Variants in APBB1 observed in about 807,000 individuals in gnomAD.
APBB1 encodes the protein amyloid beta precursor protein binding family B member 1.
Under a neutral mutation model 78.4 loss-of-function variants are expected in APBB1, and 22 were observed. The ratio of observed to expected loss-of-function variants is 0.28; its 90% CI spans 0.20 to 0.40. APBB1 has a LOEUF of 0.40. Among genes scored for constraint, APBB1 ranks in the 10% least tolerant of loss-of-function variants. The probability of loss-of-function intolerance (pLI) is 1.00; values close to 1 mark genes in which losing one functional copy is unlikely to be tolerated. For synonymous variants in APBB1, 369 were observed against 372.7 expected, an observed-to-expected ratio of 0.99 and a Z score of 0.12; for missense variants, 749 against 932.4, an observed-to-expected ratio of 0.80 and a Z score of 2.56.
Position 6,401,661 on chromosome 11 carries a change from C to G in APBB1, c.1416G>C (p.Lys472Asn). 1 of 1,614,178 alleles carries G rather than the reference C, an allele frequency of 6.2e-7. No individual in the cohort carries two copies. Among genetic ancestry groups the G allele is most frequent in the Non-Finnish European group, 8.5e-7 (1 of 1,180,030 alleles). ...CGTGGCACTTGAGCATCTGGGTCAG[C>G]TTATCACGAGCTACGTAGGCAAAGT... ...ERDFAYVARD[K>N]LTQMLKCHVF... is the part of the protein sequence containing the mutation. Residue 472 changes from lysine (K) to asparagine (N), a missense_variant, in exon 10 of 15, where the codon AAG becomes AAC. Lys to Asn is a moderately conservative substitution (Grantham distance 94). Coordinates refer to ENST00000609360, the MANE Select transcript of APBB1 (RefSeq NM_001164.5). This position sits in a 1 kb window ranked among gnomAD's most constrained non-coding sequence, Gnocchi z 4.5.
At chr11:6,418,891 C>G in intron 1 of APBB1, 94 bp downstream of exon 1, 1 of 364,648 alleles carries the variant, frequency 2.7e-6, no homozygotes, top group Non-Finnish European at 4.9e-6. Flanking sequence ...CCGGGGGACC[C>G]GGGCTGCCGC....
At chr11:6,404,603 A>G in intron 2 of APBB1, 2 of 1,536,190 alleles carry the variant, frequency 1.3e-6, no homozygotes, top group Non-Finnish European at 1.7e-6. Context: ...ACATACACAC[A>G]TACCTCGCAT....
chr11:6,402,368 C>T (rs947069439), intron 7 of APBB1, 159 bp from the exon 8 acceptor site: 1 of 1,156,682 alleles, frequency 8.6e-7, no homozygotes. Flanking sequence ...GGTCACGTGT[C>T]ATCTCTCACA....
chr11:6,402,843 A>C lies in APBB1; in HGVS notation c.1105-118T>G, dbSNP rs963759043. ...TGAACTAAGACGGAGAAGCTCCCCA[A>C]ACAGGATGTGGTTAGGGAGAGGGGG... On this transcript the variant is annotated intron_variant, in intron 6 of 14. Coordinates refer to ENST00000609360, the MANE Select transcript of APBB1 (RefSeq NM_001164.5). 8 of 1,307,310 alleles carry C rather than the reference A, an allele frequency of 6.1e-6. No individual in the cohort carries two copies. The African/African-American group carries it at 1.2e-4, about 19-fold the overall frequency. The allele number at this position is 1,307,310 out of a possible 1,614,324, so 81.0% of individuals were successfully genotyped here.
At position 6,403,664 on chromosome 11, in the gene APBB1, G is replaced by A; in HGVS notation, c.880C>T (p.Pro294Ser). The A allele has an allele frequency of 6.2e-7, 1 of 1,609,014 alleles. No individual in the cohort carries two copies. The highest frequency in any genetic ancestry group is 8.5e-7 in the Non-Finnish European group (1 of 1,177,028). Residue 294 changes from proline to serine, a missense_variant, in exon 3 of 15, where the codon CCC becomes TCC. Transcript: ENST00000609360. This position sits in a 1 kb window ranked among gnomAD's most constrained non-coding sequence, Gnocchi z 5.3. ...AGCCTCACCTGGGACTCCTCTTGGG[G>A]GCTGCTCCCCTGTGAGGGGGAGGCC... ...GRASPSQGSS[P>S]QEESQLTWTG...
At chr11:6,414,352 T>C (rs928870847) in intron 1 of APBB1, among the ~76,000 whole-genome samples, 8 of 152,202 alleles carry the variant, frequency 5.3e-5, no homozygotes, top group Admixed American at 2.0e-4. Context: ...ATCAAGTGAC[T>C]GTTCTCTCCT....
intron 1 of APBB1, among the ~76,000 whole-genome samples, chr11:6,412,488 G>C (rs1467944006): frequency 3.3e-5 from 5 of 152,166 alleles, no homozygotes; most frequent in Non-Finnish European, 7.3e-5. Flanking sequence ...CACAGCCTCA[G>C]TGAAGCCTTC....
intron 2 of APBB1, among the ~76,000 whole-genome samples, chr11:6,408,724 G>A (rs1848885953): frequency 6.6e-6 from 1 of 152,024 alleles, no homozygotes. Flanking sequence ...GGCTGATCTC[G>A]AACTCCTGAC....
Position 6,401,834 on chromosome 11 carries a change from G to A in APBB1, c.1388+143C>T, listed in dbSNP as rs1182008107. 7.0e-7 allele frequency: 1 copy of A among 1,424,928 alleles called. No individual in the cohort carries two copies. The highest frequency in any genetic ancestry group is 1.2e-5 in the South Asian group (1 of 84,098). The allele number at this position is 1,424,928 out of a possible 1,614,324, so 88.3% of individuals were successfully genotyped here. ...CCCCCATAGGTGCTGCCTTCTTGGG[G>A]GGGAGGGGTAGACAGGCAAGCATGC... On this transcript the variant is annotated intron_variant, in intron 9 of 14. Coordinates refer to ENST00000609360, the MANE Select transcript of APBB1 (RefSeq NM_001164.5). This position sits in a 1 kb window ranked among gnomAD's most constrained non-coding sequence, Gnocchi z 4.5.
intron 1 of APBB1, among the ~76,000 whole-genome samples, chr11:6,416,746 T>C (rs989518877): frequency 5.0e-5 from 7 of 138,898 alleles, no homozygotes; most frequent in African/African-American, 1.3e-4. Context: ...CAAAATTCCC[T>C]TTTTTTTTTT....
intron 1 of APBB1, among the ~76,000 whole-genome samples, chr11:6,418,130 G>C (rs1282232604): frequency 2.6e-5 from 4 of 152,228 alleles, no homozygotes; most frequent in African/African-American, 9.7e-5. Flanking sequence ...CATCTAAAGA[G>C]AGGAGGAGAG....
At position 6,410,810 on chromosome 11, in the gene APBB1, G is replaced by A. The variant is rs752621628; in HGVS notation, c.538C>T (p.Pro180Ser). ...EEDLSSPPGL[P>S]EPLESVEAPP... is the part of the protein sequence containing the mutation. ...GCCTCCACACTCTCCAGGGGCTCAG[G>A]CAGCCCTGGGGGAGAAGATAAGTCC... The change falls in exon 2 of 15, where the codon CCT (proline) becomes TCT (serine). Residue 180 changes from proline to serine, a missense_variant. By Grantham distance (74) the Pro-to-Ser change is moderately conservative. Around this residue, in one of 3 missense-constraint regions of APBB1, gnomAD observed 635 missense variants for 765.0 expected, o/e 0.83. Transcript: ENST00000609360. 5 of 1,613,344 alleles carry A rather than the reference G, an allele frequency of 3.1e-6. No homozygotes were observed. The highest frequency in any genetic ancestry group is 1.3e-5 in the African/African-American group (1 of 74,930).
intron 12 of APBB1, among the ~76,000 whole-genome samples, chr11:6,398,357 A>G (rs1489046252): frequency 6.6e-6 from 1 of 152,252 alleles, no homozygotes; most frequent in African/African-American, 2.4e-5. Context: ...ATGCATGCCA[A>G]GAAGCTAGAA....
At position 6,411,680 on chromosome 11, in the gene APBB1, C is replaced by A. The variant is rs374647782; in HGVS notation, c.-14-319G>T. 3.8e-4 allele frequency among the ~76,000 whole-genome samples: 58 copies of A among 152,266 alleles called. No individual in the cohort carries two copies. The South Asian group carries it at 8.1e-3, about 21-fold the overall frequency. On this transcript the variant is annotated intron_variant, in intron 1 of 14. Transcript: ENST00000609360. The surrounding 1 kb of genome is among the most constrained non-coding windows in gnomAD (Gnocchi z 5.2). ...CACAATGGCTCTCTGTGCCTCCCCA[C>A]CCCCCAGCTCATCCACCCGGGGCTT...
At chr11:6,405,864 C>T (rs1261687536) in intron 2 of APBB1, among the ~76,000 whole-genome samples, 1 of 152,206 alleles carries the variant, frequency 6.6e-6, no homozygotes, top group Non-Finnish European at 1.5e-5. Context: ...GACTCTCCTG[C>T]TAAAACCTTC....
At position 6,403,109 on chromosome 11, in the gene APBB1, C is replaced by G. The variant is rs185982434; in HGVS notation, c.1104+36G>C. On this transcript the variant is annotated intron_variant, in intron 6 of 14. Coordinates refer to ENST00000609360, the MANE Select transcript of APBB1 (RefSeq NM_001164.5). This position sits in a 1 kb window ranked among gnomAD's most constrained non-coding sequence, Gnocchi z 5.3. Reference sequence around the variant, plus strand: ...AGGGGCTGTCTGACAAATAAGAGGGCCCCAGACTCAGAATGGGTGTCAGTC... The same window carrying G: ...AGGGGCTGTCTGACAAATAAGAGGGGCCCAGACTCAGAATGGGTGTCAGTC... The G allele has an allele frequency of 1.3e-5, 21 of 1,574,120 alleles. No individual in the cohort carries two copies. In the East Asian group the frequency reaches 4.0e-4, roughly 30 times the overall value.
rs1848510622 is a variant in APBB1, at chr11:6,401,558, G to C, written c.1503+16C>G. 3 of 1,614,214 alleles carry C rather than the reference G, an allele frequency of 1.9e-6. No individual in the cohort carries two copies. Among genetic ancestry groups the C allele is most frequent in the Non-Finnish European group, 1.7e-6 (2 of 1,180,032 alleles). On this transcript the variant is annotated intron_variant, in intron 10 of 14. Transcript: ENST00000609360. The surrounding 1 kb of genome is among the most constrained non-coding windows in gnomAD (Gnocchi z 4.5). ...GCAAAGGTGGCAACTAGTCCAGGGA[G>C]TGGAGGGGGCCGTGCCTTAGAGCAG...
chr11:6,395,944 C>G lies in APBB1; in HGVS notation c.1807G>C (p.Glu603Gln). Residue 603 changes from glutamate (E) to glutamine (Q), a missense_variant, in exon 14 of 15, where the codon GAG (glutamate) becomes CAG (glutamine). Glu to Gln is a conservative substitution (Grantham distance 29). Around this residue, in one of 3 missense-constraint regions of APBB1, gnomAD observed 18 missense variants for 51.4 expected, o/e 0.35. Transcript: ENST00000609360. The surrounding 1 kb of genome is among the most constrained non-coding windows in gnomAD (Gnocchi z 5.2). ...AAGGAGAGGAAACGCACCCGACACTCTCCCAGCACTGCCTCTGTCTGCATG... is the reference window on the plus strand; with the variant it reads ...AAGGAGAGGAAACGCACCCGACACTGTCCCAGCACTGCCTCTGTCTGCATG... ...LHQQTEAVLGECRVRFLSFLA... is the reference protein window; with the variant it reads ...LHQQTEAVLGQCRVRFLSFLA... 6.2e-7 allele frequency: 1 copy of G among 1,614,000 alleles called. No individual in the cohort carries two copies. Among genetic ancestry groups the G allele is most frequent in the South Asian group, 1.1e-5 (1 of 91,080 alleles).
In APBB1 at chr11:6,401,476, C is replaced by T. The variant is rs997043063; in HGVS notation, c.1504-47G>A. ...GGAGCCAGGGAGAATCTATTAGAGC[C>T]TCATTGCCCTGGGGCCCCCCTACAG... On this transcript the variant is annotated intron_variant, in intron 10 of 14. Coordinates refer to ENST00000609360, the MANE Select transcript of APBB1 (RefSeq NM_001164.5). The surrounding 1 kb of genome is among the most constrained non-coding windows in gnomAD (Gnocchi z 4.5). 2 of 1,612,348 alleles carry T rather than the reference C, an allele frequency of 1.2e-6. No homozygotes were observed. Among genetic ancestry groups the T allele is most frequent in the African/African-American group, 2.7e-5 (2 of 74,880 alleles).
Sources: gnomAD v4.1 joint callset for allele counts (sites outside exome capture counted in the v4.1 genomes callset) on GRCh38, gnomAD v4.1.1 for gene constraint, gnomAD v4.1.1 regional missense constraint, Gnocchi (gnomAD v3.1) non-coding constraint, MANE v1.5 for transcripts, NCBI Gene and HGNC (gene_info 2026-07-23, HGNC 2026-07-21) for gene names.